The following PCSK5 variants were observed in gnomAD, a reference collection of about 807,000 sequenced individuals.
The protein encoded by PCSK5 is prohormone convertase 5.
PCSK5 carries 129 observed loss-of-function variants against 233.2 expected under a neutral mutation model. The observed-to-expected ratio is 0.55, with a 90% CI of 0.48 to 0.64. The LOEUF is 0.64. PCSK5 is among the 30% of genes least tolerant of loss of function. The pLI is 0.00. For synonymous variants in PCSK5, 825 were observed against 879.2 expected, an observed-to-expected ratio of 0.94 and a Z score of 1.09; for missense variants, 2,076 against 2,430.1, an observed-to-expected ratio of 0.85 and a Z score of 3.06.
intron 1 of PCSK5, among the ~76,000 whole-genome samples, chr9:75,905,169 G>C (rs926419681): frequency 6.6e-6 from 1 of 152,122 alleles, no homozygotes; most frequent in African/African-American, 2.4e-5. Context: ...ATGGGGAGTG[G>C]CTGCTAATAG....
intron 9 of PCSK5, among the ~76,000 whole-genome samples, chr9:76,114,143 G>T (rs1163787354): frequency 1.3e-5 from 2 of 152,064 alleles, no homozygotes; most frequent in Admixed American, 6.6e-5. Context: ...AATGCTTGGG[G>T]TATACAGCCT....
At chr9:76,299,273 C>T (rs1828534474) in intron 27 of PCSK5, among the ~76,000 whole-genome samples, 1 of 152,116 alleles carries the variant, frequency 6.6e-6, no homozygotes, top group Admixed American at 6.5e-5. Context: ...TTTCAGCCAC[C>T]AAAAAGTCAC....
chr9:76,192,969 ATTC>A (rs1824483256), intron 20 of PCSK5, among the ~76,000 whole-genome samples: 1 of 133,108 alleles, frequency 7.5e-6, no homozygotes, highest in Non-Finnish European at 1.6e-5. Flanking sequence ...TTTCTAATTT[ATTC>A]TTTTTCTAAT....
rs769004430 is a variant in PCSK5, at chr9:76,239,149, G to A, written c.3057G>A (p.Lys1019=). ...CGCCCACCAACCACACATGCCAGAA[G>A]TTAGAGTGTGGACAAGGTAAGCCTG... ...FIAPTNHTCQ[K]LECGQGEVQD... Residue 1019 remains lysine (K), a synonymous_variant, in exon 23 of 38, where the codon AAG becomes AAA. Transcript: ENST00000674117. The A allele has an allele frequency of 1.3e-6, 2 of 1,584,466 alleles. No homozygotes were observed. The highest frequency in any genetic ancestry group is 1.2e-5 in the South Asian group (1 of 86,930).
chr9:76,038,385 A>G (rs1291286177), intron 5 of PCSK5, among the ~76,000 whole-genome samples: 1 of 152,142 alleles, frequency 6.6e-6, no homozygotes, highest in East Asian at 1.9e-4. Context: ...AGTTTATGCT[A>G]GGTGATTTGA....
intron 20 of PCSK5, among the ~76,000 whole-genome samples, chr9:76,209,007 A>G (rs1006994110): frequency 2.5e-4 from 38 of 152,230 alleles, no homozygotes; most frequent in Admixed American, 1.8e-3. Context: ...TGCTGGAAAG[A>G]CATTTTGCAT....
intron 2 of PCSK5, among the ~76,000 whole-genome samples, chr9:75,970,858 A>T (rs1015518148): frequency 6.6e-6 from 1 of 152,114 alleles, no homozygotes; most frequent in African/African-American, 2.4e-5. Context: ...TCCTGAGCTC[A>T]TGCAGTCTGC....
At chr9:76,348,251 A>G (rs1830030073) in intron 35 of PCSK5, among the ~76,000 whole-genome samples, 1 of 152,208 alleles carries the variant, frequency 6.6e-6, no homozygotes. Flanking sequence ...TCTATTGAAA[A>G]TACAAAAAAA....
intron 5 of PCSK5, among the ~76,000 whole-genome samples, chr9:76,050,537 T>C (rs1829585952): frequency 6.6e-6 from 1 of 152,246 alleles, no homozygotes; most frequent in Non-Finnish European, 1.5e-5. Flanking sequence ...TGTGAAATTA[T>C]AGGAAAATCA....
chr9:76,341,182 G>A (rs779181609), intron 35 of PCSK5, among the ~76,000 whole-genome samples: 14 of 151,978 alleles, frequency 9.2e-5, no homozygotes, highest in Admixed American at 3.9e-4. Flanking sequence ...CCATGATTGT[G>A]CCACTGCACT....
intron 10 of PCSK5, among the ~76,000 whole-genome samples, chr9:76,146,481 TTCCAAG>T: frequency 6.6e-6 from 1 of 151,876 alleles, no homozygotes; most frequent in Non-Finnish European, 1.5e-5. Flanking sequence ...TAAACTTTCC[TTCCAAG>T]TCCAACATAT....
chr9:75,907,435 C>T lies in PCSK5; in HGVS notation c.192+16062C>T, dbSNP rs571032113. On this transcript the variant is annotated intron_variant, in intron 1 of 37. Coordinates refer to ENST00000674117, the MANE Select transcript of PCSK5 (RefSeq NM_001372043.1). Reference sequence around the variant, plus strand: ...AAGGGGTATGGTAAAAAGCAGTGTTCTAGGATTGATGAGTCATTTGTGTGT... The same window carrying T: ...AAGGGGTATGGTAAAAAGCAGTGTTTTAGGATTGATGAGTCATTTGTGTGT... Among the ~76,000 whole-genome samples the T allele has an allele frequency of 9.2e-5, 14 of 152,232 alleles. No homozygotes were observed. The South Asian group carries it at 2.9e-3, about 32-fold the overall frequency.
intron 3 of PCSK5, among the ~76,000 whole-genome samples, chr9:76,007,449 T>C (rs1413051779): frequency 1.3e-5 from 2 of 152,176 alleles, no homozygotes; most frequent in African/African-American, 4.8e-5. Flanking sequence ...GTAGCAATTG[T>C]GTGTAGAAAG....
intron 5 of PCSK5, among the ~76,000 whole-genome samples, chr9:76,031,408 G>T (rs911880414): frequency 1.4e-4 from 21 of 152,168 alleles, no homozygotes; most frequent in African/African-American, 5.1e-4. Flanking sequence ...TTCCCTCTAG[G>T]CTGGGCACAG....
intron 24 of PCSK5, among the ~76,000 whole-genome samples, chr9:76,255,103 A>C (rs1158366846): frequency 6.6e-6 from 1 of 152,104 alleles, no homozygotes. Context: ...CCTGGGCAAC[A>C]TGGTGAAACC....
intron 10 of PCSK5, among the ~76,000 whole-genome samples, chr9:76,140,682 C>G (rs1823178458): frequency 6.6e-6 from 1 of 151,952 alleles, no homozygotes; most frequent in Non-Finnish European, 1.5e-5. Context: ...AATGATAATG[C>G]AACTATACTT....
intron 10 of PCSK5, among the ~76,000 whole-genome samples, chr9:76,136,318 G>A (rs1021948092): frequency 6.6e-6 from 1 of 152,068 alleles, no homozygotes; most frequent in Admixed American, 6.6e-5. Flanking sequence ...GCTAGCAGGA[G>A]AAGCAACATG....
chr9:76,180,478 A>T (rs1262102211), intron 15 of PCSK5, among the ~76,000 whole-genome samples: 3 of 152,096 alleles, frequency 2.0e-5, no homozygotes, highest in Admixed American at 1.3e-4. Flanking sequence ...TGCCCTGGGC[A>T]CTAAGGTGGA....
In PCSK5 at chr9:75,899,406, G is replaced by A. The variant is rs546620656; in HGVS notation, c.192+8033G>A. On this transcript the variant is annotated intron_variant, in intron 1 of 37. Coordinates refer to ENST00000674117, the MANE Select transcript of PCSK5 (RefSeq NM_001372043.1). ...AGGGCACCTGAAATCTAGTCTCTTA[G>A]CAAATAGTCAATAAACAACACAGTA... Among the ~76,000 whole-genome samples the A allele has an allele frequency of 6.6e-5, 10 of 152,024 alleles. No individual in the cohort carries two copies. The East Asian group carries it at 7.7e-4, about 12-fold the overall frequency.
Sources: allele counts gnomAD v4.1 joint callset (sites outside exome capture counted in the v4.1 genomes callset), GRCh38; gene constraint gnomAD v4.1.1; transcripts MANE v1.5; gene names NCBI Gene and HGNC (gene_info 2026-07-23, HGNC 2026-07-21).